APLF: variants seen among roughly 807,000 people sequenced by gnomAD.
The protein encoded by APLF is aprataxin and PNK-like factor.
In APLF, 61 loss-of-function variants were observed where a neutral mutation model predicts 55.6. The observed-to-expected ratio is 1.10, with a 90% CI of 0.89 to 1.36. The LOEUF (loss-of-function observed/expected upper bound fraction) is 1.36, where lower values mean the gene tolerates loss of function less well. APLF is among the 40% of genes most tolerant of loss of function. The pLI is 0.00. For synonymous variants in APLF, 207 were observed against 214.8 expected, an observed-to-expected ratio of 0.96 and a Z score of 0.32; for missense variants, 611 against 602.5, an observed-to-expected ratio of 1.01 and a Z score of -0.15.
intron 6 of APLF, among the ~76,000 whole-genome samples, chr2:68,534,211 A>G (rs551360596): frequency 1.3e-5 from 2 of 152,354 alleles, no homozygotes; most frequent in East Asian, 3.9e-4. Flanking sequence ...CAGAGAACTC[A>G]GAGGCAGAAT....
At chr2:68,523,360 T>C (rs35859515) in intron 5 of APLF, among the ~76,000 whole-genome samples, 12,785 of 151,996 alleles carry the variant, frequency 0.084, 604 homozygotes, top group Middle Eastern at 0.11. Flanking sequence ...TAAATTAGTA[T>C]AGCCTTTCAA....
In APLF at chr2:68,519,065, TATA is replaced by T. The variant is rs368287994; in HGVS notation, c.622+5395_622+5397del. Among the ~76,000 whole-genome samples the T allele has an allele frequency of 2.9e-3, 330 of 115,094 alleles. 3 individuals carry two copies. The highest frequency in any genetic ancestry group is 0.013 in the Middle Eastern group (2 of 160). 75.5% of individuals were successfully genotyped at this position (115,094 alleles called of 152,430 possible). A position where few individuals can be genotyped will look rare whatever the true frequency, so the allele number is the denominator to read the frequency against. Reference sequence around the variant, plus strand: ...ATAATAATATAATATATAATTAATATATAATAATAATATAATATATAATTAATA... The same window carrying T: ...ATAATAATATAATATATAATTAATATATAATAATATAATATATAATTAATA... On this transcript the variant is annotated intron_variant, in intron 5 of 9. Transcript: ENST00000303795.
At chr2:68,515,718 GA>G in intron 5 of APLF, 3 of 983,758 alleles carry the variant, frequency 3.0e-6, no homozygotes, top group Non-Finnish European at 3.6e-6. Context: ...AAATAAGATA[GA>G]AGAGTCTTTG....
chr2:68,512,165 C>A (rs889586112), intron 3 of APLF, among the ~76,000 whole-genome samples: 1 of 151,416 alleles, frequency 6.6e-6, no homozygotes, highest in African/African-American at 2.4e-5. Flanking sequence ...AGAACATTTC[C>A]ATTTCCCCAA....
At chr2:68,484,970 G>T (rs1676082413) in intron 1 of APLF, among the ~76,000 whole-genome samples, 1 of 152,014 alleles carries the variant, frequency 6.6e-6, no homozygotes, top group Admixed American at 6.5e-5. Flanking sequence ...ATGCCTGTGT[G>T]TGTGTGTGTG....
chr2:68,560,443 TTGGTTTATTATAA>T (rs1309531575), intron 8 of APLF, among the ~76,000 whole-genome samples: 3 of 152,162 alleles, frequency 2.0e-5, no homozygotes, highest in Non-Finnish European at 2.9e-5. Flanking sequence ...AAATTTTCCA[TTGGTTTATTATAA>T]TTACAAAGAT....
In APLF at chr2:68,579,898, A is replaced by G. The variant is rs1671725433; in HGVS notation, c.*1876A>G. 3 of 430,702 alleles carry G rather than the reference A, an allele frequency of 7.0e-6. No individual in the cohort carries two copies. The highest frequency in any genetic ancestry group is 9.3e-6 in the Non-Finnish European group (3 of 323,262). 26.7% of individuals were successfully genotyped at this position (430,702 alleles called of 1,614,324 possible). ...GCACAACTCTGTAAATATATTACAA[A>G]CAATGCATTGTACACTTTCAAAGGG... is the stretch of plus-strand genomic sequence containing the variant. On this transcript the variant is annotated 3_prime_UTR_variant, in exon 10 of 10. Coordinates refer to ENST00000303795, the MANE Select transcript of APLF (RefSeq NM_173545.3).
Position 68,579,938 on chromosome 2 carries a change from C to T in APLF, c.*1916C>T, listed in dbSNP as rs920901667. 7 of 743,000 alleles carry T rather than the reference C, an allele frequency of 9.4e-6. No individual in the cohort carries two copies. The African/African-American group carries it at 9.6e-5, about 10-fold the overall frequency. The allele number at this position is 743,000 out of a possible 1,614,324, so 46.0% of individuals were successfully genotyped here. A position where few individuals can be genotyped will look rare whatever the true frequency, so the allele number is the denominator to read the frequency against. ...CTTTCAAAGGGTAGATTTCATTGCA[C>T]GTGAACTATATATTTCAATAAATCT... is the stretch of plus-strand genomic sequence containing the variant. On this transcript the variant is annotated 3_prime_UTR_variant, in exon 10 of 10. Coordinates refer to ENST00000303795, the MANE Select transcript of APLF (RefSeq NM_173545.3).
chr2:68,539,742 G>T (rs1470472734), intron 7 of APLF, among the ~76,000 whole-genome samples: 1 of 152,036 alleles, frequency 6.6e-6, no homozygotes, highest in Non-Finnish European at 1.5e-5. Flanking sequence ...GAATAGAAAA[G>T]ACTTCTTCAG....
At chr2:68,542,301 T>C (rs1670574120) in intron 7 of APLF, among the ~76,000 whole-genome samples, 1 of 151,960 alleles carries the variant, frequency 6.6e-6, no homozygotes. Flanking sequence ...AATAGAAAAA[T>C]TGGACTTTTT....
At chr2:68,495,898 A>G (rs1377015909) in intron 2 of APLF, among the ~76,000 whole-genome samples, 1 of 152,174 alleles carries the variant, frequency 6.6e-6, no homozygotes, top group African/African-American at 2.4e-5. Flanking sequence ...CCTTTGAGCC[A>G]TGGCTGGAGC....
chr2:68,487,758 A>G (rs1165332843), intron 1 of APLF, among the ~76,000 whole-genome samples: 1 of 152,080 alleles, frequency 6.6e-6, no homozygotes, highest in Non-Finnish European at 1.5e-5. Flanking sequence ...ATAATTTATT[A>G]AACCTTTATG....
intron 2 of APLF, among the ~76,000 whole-genome samples, chr2:68,493,230 T>C (rs560396841): frequency 1.8e-4 from 28 of 152,318 alleles, no homozygotes; most frequent in Non-Finnish European, 3.5e-4. Flanking sequence ...TTTGGACTTA[T>C]GTATGTGGAA....
chr2:68,577,828 G>A lies in APLF; in HGVS notation c.1342G>A (p.Val448Ile), dbSNP rs1558559297. Residue 448 changes from valine (V) to isoleucine (I), a missense_variant, in exon 10 of 10, where the codon GTT becomes ATT. Transcript: ENST00000303795. ...AATCTTCTGTTTTGCAGTGAGAAAT[G>A]TTTTAGATGAAGATAATGATAATGT... is the stretch of plus-strand genomic sequence containing the variant. ...YRHNTLPVRN[V>I]LDEDNDNVGQ... The A allele has an allele frequency of 6.2e-7, 1 of 1,613,026 alleles. No homozygotes were observed. The highest frequency in any genetic ancestry group is 1.7e-5 in the Admixed American group (1 of 59,934).
intron 8 of APLF, among the ~76,000 whole-genome samples, chr2:68,560,097 C>T (rs1200492201): frequency 6.6e-6 from 1 of 152,130 alleles, no homozygotes; most frequent in Admixed American, 6.6e-5. Context: ...GATATACCTC[C>T]TCAGAAATGC....
At chr2:68,557,836 G>A (rs928306208) in intron 8 of APLF, among the ~76,000 whole-genome samples, 4 of 151,912 alleles carry the variant, frequency 2.6e-5, no homozygotes, top group Non-Finnish European at 5.9e-5. Context: ...ACTTGAACCC[G>A]GGAGGTGGAG....
intron 7 of APLF, among the ~76,000 whole-genome samples, chr2:68,541,944 A>G (rs567838933): frequency 1.1e-4 from 16 of 152,310 alleles, no homozygotes; most frequent in Non-Finnish European, 2.2e-4. Context: ...AGATAGACAT[A>G]TAGACAAATG....
chr2:68,526,251 A>T lies in APLF; in HGVS notation c.804+9A>T, dbSNP rs548669995. On this transcript the variant is annotated intron_variant, in intron 6 of 9. Transcript: ENST00000303795. ...CTACCATTTCATCCAAGGTGATTTT[A>T]AAAAATTCATTATTTGATTGTTTTT... is the stretch of plus-strand genomic sequence containing the variant. 8 of 1,596,234 alleles carry T rather than the reference A, an allele frequency of 5.0e-6. No homozygotes were observed. In the African/African-American group the frequency reaches 6.8e-5, roughly 14 times the overall value.
intron 2 of APLF, among the ~76,000 whole-genome samples, chr2:68,498,213 T>G (rs1331694255): frequency 5.3e-5 from 8 of 152,238 alleles, no homozygotes; most frequent in Admixed American, 5.2e-4. Context: ...CACAAATTCT[T>G]TGATCTACTA....
Sources: gnomAD v4.1 joint callset for allele counts (sites outside exome capture counted in the v4.1 genomes callset) on GRCh38, gnomAD v4.1.1 for gene constraint, MANE v1.5 for transcripts, NCBI Gene and HGNC (gene_info 2026-07-23, HGNC 2026-07-21) for gene names.